The following CADPS2 variants were observed in gnomAD, a reference collection of about 807,000 sequenced individuals.
The protein encoded by CADPS2 is calcium dependent secretion activator 2.
In CADPS2, 93 loss-of-function variants were observed where a neutral mutation model predicts 172.5. The ratio of observed to expected loss-of-function variants is 0.54; its 90% confidence interval spans 0.46 to 0.64. The LOEUF is 0.64. CADPS2 is among the 30% of genes least tolerant of loss of function. The probability of loss-of-function intolerance (pLI) is 0.00; values close to 1 mark genes in which losing one functional copy is unlikely to be tolerated. For missense variants in CADPS2, 1,420 were observed against 1,565.9 expected, an observed-to-expected ratio of 0.91 and a Z score of 1.57; for synonymous variants, 546 against 555.2, an observed-to-expected ratio of 0.98 and a Z score of 0.23.
At chr7:122,631,030 G>A (rs868090573) in intron 3 of CADPS2, among the ~76,000 whole-genome samples, 6 of 151,986 alleles carry the variant, frequency 3.9e-5, no homozygotes, top group South Asian at 4.1e-4. Context: ...AAAAACTAAC[G>A]TAATTATGAA....
chr7:122,327,206 A>G (rs2034038376), intron 28 of CADPS2, among the ~76,000 whole-genome samples: 1 of 152,092 alleles, frequency 6.6e-6, no homozygotes, highest in Non-Finnish European at 1.5e-5. Context: ...TAGATACTTT[A>G]ATTTCCGACA....
intron 9 of CADPS2, among the ~76,000 whole-genome samples, chr7:122,498,345 TAATA>T (rs2130240974): frequency 1.3e-5 from 2 of 152,320 alleles, no homozygotes; most frequent in South Asian, 4.1e-4. Context: ...GAGTTATGGT[TAATA>T]CTTATTGTAT....
At chr7:122,762,339 A>C (rs2093417018) in intron 1 of CADPS2, among the ~76,000 whole-genome samples, 1 of 152,156 alleles carries the variant, frequency 6.6e-6, no homozygotes, top group African/African-American at 2.4e-5. Flanking sequence ...CAAGTCATTA[A>C]CAAATAATTC....
At chr7:122,365,144 G>T (rs1366338779) in intron 25 of CADPS2, among the ~76,000 whole-genome samples, 2 of 152,138 alleles carry the variant, frequency 1.3e-5, no homozygotes, top group Non-Finnish European at 2.9e-5. Flanking sequence ...AGCAGCATTG[G>T]CTTATATACA....
chr7:122,663,736 G>T (rs1490884172), intron 2 of CADPS2, among the ~76,000 whole-genome samples, 167 bp from the exon 3 acceptor site: 1 of 152,190 alleles, frequency 6.6e-6, no homozygotes, highest in East Asian at 1.9e-4. Flanking sequence ...ATGTCATAAT[G>T]TTGGCCCCAA....
chr7:122,336,703 A>G lies in CADPS2; in HGVS notation c.3612+8871T>C, dbSNP rs1180524943. 1.3e-5 allele frequency among the ~76,000 whole-genome samples: 2 copies of G among 152,220 alleles called. 1 individual carries two copies. Among genetic ancestry groups the G allele is most frequent in the South Asian group, 4.1e-4 (2 of 4,838 alleles). On this transcript the variant is annotated intron_variant, in intron 28 of 29. Coordinates refer to ENST00000449022, the MANE Select transcript of CADPS2 (RefSeq NM_017954.11). ...CTCAGGTGGATGAATGCAAATATAC[A>G]TTATGCAATTGGTGTTTAGAAAAAT...
intron 1 of CADPS2, among the ~76,000 whole-genome samples, chr7:122,843,223 T>C: frequency 6.6e-6 from 1 of 152,100 alleles, no homozygotes; most frequent in South Asian, 2.1e-4. Context: ...CAATCACACA[T>C]CATAAGAGTT....
intron 12 of CADPS2, among the ~76,000 whole-genome samples, chr7:122,475,669 C>T (rs562983641): frequency 6.6e-6 from 1 of 152,272 alleles, no homozygotes; most frequent in South Asian, 2.1e-4. Flanking sequence ...TCAAGTTCAA[C>T]TTTCAGCCAT....
At position 122,785,879 on chromosome 7, in the gene CADPS2, C is replaced by A. The variant is rs551042797; in HGVS notation, c.340-48811G>T. Among the ~76,000 whole-genome samples the A allele has an allele frequency of 3.5e-4, 54 of 152,330 alleles. 1 individual carries two copies. Among genetic ancestry groups the A allele is most frequent in the South Asian group, 2.1e-4 (1 of 4,828 alleles). ...CACCATTTCCTCTCCCGAAAGCCCA[C>A]ACAGCACAAGGGTTCCCTGAGATCA... is the stretch of plus-strand genomic sequence containing the variant. On this transcript the variant is annotated intron_variant, in intron 1 of 29. Transcript: ENST00000449022.
At chr7:122,469,532 G>T (rs1563423418) in intron 14 of CADPS2, among the ~76,000 whole-genome samples, 1 of 152,242 alleles carries the variant, frequency 6.6e-6, no homozygotes, top group East Asian at 1.9e-4. Flanking sequence ...TAAGTGCAGA[G>T]GGTTGAGTGT....
chr7:122,429,875 G>C (rs2049651706), intron 17 of CADPS2, among the ~76,000 whole-genome samples: 1 of 148,868 alleles, frequency 6.7e-6, no homozygotes, highest in Non-Finnish European at 1.5e-5. Flanking sequence ...GCCACAAACT[G>C]TGCAGTTTTT....
chr7:122,525,780 A>G (rs1380521634), intron 8 of CADPS2, among the ~76,000 whole-genome samples: 1 of 152,166 alleles, frequency 6.6e-6, no homozygotes, highest in Non-Finnish European at 1.5e-5. Context: ...ACTGGTTATT[A>G]TATTATGGTT....
chr7:122,698,432 T>C, intron 2 of CADPS2: 1 of 1,613,942 alleles, frequency 6.2e-7, no homozygotes, highest in Non-Finnish European at 8.5e-7. Context: ...AAATGGAAAA[T>C]TTCCGTGCCT....
intron 1 of CADPS2, among the ~76,000 whole-genome samples, chr7:122,782,269 T>C (rs1334125732): frequency 1.3e-5 from 2 of 152,206 alleles, no homozygotes; most frequent in Non-Finnish European, 2.9e-5. Context: ...TAATCTCCTC[T>C]TGCCATGTCT....
At chr7:122,882,490 T>C (rs1394832803) in intron 1 of CADPS2, among the ~76,000 whole-genome samples, 1 of 152,154 alleles carries the variant, frequency 6.6e-6, no homozygotes, top group Non-Finnish European at 1.5e-5. Flanking sequence ...ATATACATCT[T>C]AAATATTGTT....
intron 1 of CADPS2, among the ~76,000 whole-genome samples, chr7:122,874,422 T>C (rs1180552248): frequency 6.6e-6 from 1 of 152,142 alleles, no homozygotes; most frequent in Non-Finnish European, 1.5e-5. Context: ...TGCTCATGGA[T>C]AGGAAGAATC....
At chr7:122,510,749 G>A (rs978155869) in intron 9 of CADPS2, among the ~76,000 whole-genome samples, 2 of 152,108 alleles carry the variant, frequency 1.3e-5, no homozygotes, top group African/African-American at 2.4e-5. Flanking sequence ...AACTGTGTGT[G>A]GATAGAATCA....
At chr7:122,528,110 AGTGGTGGTGGTGGTGGTGGTG>A (rs71159802) in intron 8 of CADPS2, among the ~76,000 whole-genome samples, 30,071 of 130,088 alleles carry the variant, frequency 0.23, 4,164 homozygotes, top group Non-Finnish European at 0.32. Flanking sequence ...TGAAGGCATT[AGTGGTGGTGGTGGTGGTGGTG>A]GTGGTGGTGG....
chr7:122,525,785 A>G (rs2131154546), intron 8 of CADPS2, among the ~76,000 whole-genome samples: 1 of 152,262 alleles, frequency 6.6e-6, no homozygotes, highest in South Asian at 2.1e-4. Flanking sequence ...TTATTATATT[A>G]TGGTTAATTG....
Sources: allele counts gnomAD v4.1 joint callset (sites outside exome capture counted in the v4.1 genomes callset), GRCh38; gene constraint gnomAD v4.1.1; transcripts MANE v1.5; gene names NCBI Gene and HGNC (gene_info 2026-07-23, HGNC 2026-07-21).